Variants in TNR observed in about 807,000 individuals in gnomAD.
The protein encoded by TNR is tenascin R.
A neutral mutation model predicts 150.4 loss-of-function variants in TNR; 45 were observed. The ratio of observed to expected loss-of-function variants is 0.30; its 90% CI spans 0.24 to 0.38. TNR has a LOEUF of 0.38. Among genes scored for constraint, TNR ranks in the 10% least tolerant of loss-of-function variants. The pLI is 1.00. For synonymous variants in TNR, 687 were observed against 678.4 expected, an observed-to-expected ratio of 1.01 and a Z score of -0.20; for missense variants, 1,544 against 1,759.1, an observed-to-expected ratio of 0.88 and a Z score of 2.19.
At chr1:175,573,212 C>T (rs1661957436) in intron 1 of TNR, among the ~76,000 whole-genome samples, 1 of 152,222 alleles carries the variant, frequency 6.6e-6, no homozygotes, top group Admixed American at 6.5e-5. Flanking sequence ...TACTCTCTGA[C>T]TTTGATTAAG....
intron 1 of TNR, among the ~76,000 whole-genome samples, chr1:175,528,688 G>T (rs1490388420): frequency 6.6e-6 from 1 of 152,188 alleles, no homozygotes; most frequent in Admixed American, 6.5e-5. Context: ...AACATGCTTA[G>T]CTGATCTGAT....
In TNR at chr1:175,326,227, TA is replaced by T. The variant is rs565274114; in HGVS notation, c.3794-1709del. On this transcript the variant is annotated intron_variant, in intron 21 of 22. Transcript: ENST00000367674. ...GAGGGATCAGACTGTAATTAAATTA[TA>T]ACAGTTTATAAAACTTTTAGCAGGA... Among the ~76,000 whole-genome samples the T allele has an allele frequency of 2.0e-3, 311 of 152,310 alleles. 1 individual carries two copies. The highest frequency in any genetic ancestry group is 0.01 in the Middle Eastern group (3 of 294).
chr1:175,723,631 G>A (rs1667400854), intron 1 of TNR, among the ~76,000 whole-genome samples: 1 of 152,114 alleles, frequency 6.6e-6, no homozygotes, highest in Non-Finnish European at 1.5e-5. Flanking sequence ...CAACAATTTG[G>A]GAGGCCGAAG....
Position 175,319,019 on chromosome 1 carries a change from C to T in TNR, c.*4338G>A, listed in dbSNP as rs3795401. 64,461 of 151,976 alleles carry T rather than the reference C, an allele frequency of 0.42. 15,393 individuals carry two copies. Among genetic ancestry groups the T allele is most frequent in the East Asian group, 0.66 (3,404 of 5,168 alleles). 9.4% of individuals were successfully genotyped at this position (151,976 alleles called of 1,614,324 possible). ...AGTGGACAGTGAGATGCAAGGAAGG[C>T]GGAAAGTGTCCCCCAACCCCATGCC... On this transcript the variant is annotated 3_prime_UTR_variant, in exon 23 of 23. Transcript: ENST00000367674.
At chr1:175,658,559 T>C (rs1461383743) in intron 1 of TNR, among the ~76,000 whole-genome samples, 1 of 152,192 alleles carries the variant, frequency 6.6e-6, no homozygotes, top group Admixed American at 6.5e-5. Flanking sequence ...AGGTGCTAAG[T>C]AGCTTGCAGA....
intron 1 of TNR, among the ~76,000 whole-genome samples, chr1:175,591,979 T>C (rs1241750437): frequency 6.6e-6 from 1 of 152,222 alleles, no homozygotes; most frequent in Non-Finnish European, 1.5e-5. Flanking sequence ...AAACAGAGAC[T>C]CCTGGTCACC....
intron 8 of TNR, among the ~76,000 whole-genome samples, chr1:175,381,520 G>T (rs1354418186): frequency 6.6e-6 from 1 of 152,272 alleles, no homozygotes; most frequent in Non-Finnish European, 1.5e-5. Flanking sequence ...TGAGAATGAG[G>T]TCTGGAAAGG....
intron 1 of TNR, among the ~76,000 whole-genome samples, chr1:175,627,873 C>CT (rs1445220190): frequency 6.6e-6 from 1 of 152,164 alleles, no homozygotes; most frequent in African/African-American, 2.4e-5. Flanking sequence ...AGACTTTGGC[C>CT]TTTACCATAA....
rs1649829693 is a variant in TNR at position 175,331,078 on chromosome 1, C to CTTCCTTCTTTCTTTCT, written c.3632-844_3632-843insAGAAAGAAAGAAGGAA. On this transcript the variant is annotated intron_variant, in intron 20 of 22. Transcript: ENST00000367674. Reference sequence around the variant, plus strand: ...CTTTCTTTCTTTCTTTCTTTCTTTCCTTCTTTCTTTCTTTCTTTCTTTCTC... The same window carrying CTTCCTTCTTTCTTTCT: ...CTTTCTTTCTTTCTTTCTTTCTTTCCTTCCTTCTTTCTTTCTTTCTTTCTTTCTTTCTTTCTTTCTC... 2.5e-4 allele frequency among the ~76,000 whole-genome samples: 15 copies of CTTCCTTCTTTCTTTCT among 59,948 alleles called. 1 individual carries two copies. Among genetic ancestry groups the CTTCCTTCTTTCTTTCT allele is most frequent in the African/African-American group, 9.5e-4 (15 of 15,866 alleles). 39.3% of individuals were successfully genotyped at this position (59,948 alleles called of 152,430 possible).
intron 1 of TNR, among the ~76,000 whole-genome samples, chr1:175,685,254 GAA>G (rs1666154635): frequency 6.6e-6 from 1 of 152,074 alleles, no homozygotes; most frequent in African/African-American, 2.4e-5. Flanking sequence ...AGTACTCAAG[GAA>G]AAGACTTGAA....
chr1:175,742,990 A>ACG (rs1235442771), intron 1 of TNR, among the ~76,000 whole-genome samples: 1 of 151,810 alleles, frequency 6.6e-6, no homozygotes, highest in African/African-American at 2.4e-5. Context: ...ACACACACAC[A>ACG]CACACCCGCA....
chr1:175,528,992 G>T (rs1571565368), intron 1 of TNR, among the ~76,000 whole-genome samples: 1 of 152,210 alleles, frequency 6.6e-6, no homozygotes, highest in Admixed American at 6.5e-5. Context: ...AATTCTCCCA[G>T]ATTAGAACAA....
In TNR at chr1:175,317,061, T is replaced by C. The variant is rs1404664941; in HGVS notation, c.*6296A>G. On this transcript the variant is annotated 3_prime_UTR_variant, in exon 23 of 23. Coordinates refer to ENST00000367674, the MANE Select transcript of TNR (RefSeq NM_003285.3). ...TTTAGTAGCTGTGTGACTTTGAGCATGTTACTTAACCTTCCTGGCCCTCCC... is the reference window on the plus strand; with the variant it reads ...TTTAGTAGCTGTGTGACTTTGAGCACGTTACTTAACCTTCCTGGCCCTCCC... 2 of 152,256 alleles carry C rather than the reference T, an allele frequency of 1.3e-5. No individual in the cohort carries two copies. Among genetic ancestry groups the C allele is most frequent in the South Asian group, 2.1e-4 (1 of 4,834 alleles). The allele number at this position is 152,256 out of a possible 1,614,324, so 9.4% of individuals were successfully genotyped here. A position where few individuals can be genotyped will look rare whatever the true frequency, so the allele number is the denominator to read the frequency against.
At chr1:175,447,562 A>G (rs547053217) in intron 2 of TNR, among the ~76,000 whole-genome samples, 1 of 152,288 alleles carries the variant, frequency 6.6e-6, no homozygotes, top group African/African-American at 2.4e-5. Context: ...CAGCAAATTG[A>G]AAAGTCTTGG....
At chr1:175,524,313 T>C (rs1659767200) in intron 2 of TNR, among the ~76,000 whole-genome samples, 1 of 152,072 alleles carries the variant, frequency 6.6e-6, no homozygotes, top group Non-Finnish European at 1.5e-5. Flanking sequence ...CTGCTTTCCA[T>C]AGGATTCAGG....
At chr1:175,424,195 A>G (rs1004847710) in intron 2 of TNR, among the ~76,000 whole-genome samples, 4 of 152,200 alleles carry the variant, frequency 2.6e-5, no homozygotes, top group African/African-American at 9.6e-5. Context: ...TGGTCTTGCT[A>G]TCTCCGGGGA....
At chr1:175,372,017 T>C (rs1383287676) in intron 9 of TNR, among the ~76,000 whole-genome samples, 4 of 151,770 alleles carry the variant, frequency 2.6e-5, no homozygotes. Flanking sequence ...GGATCCCTCA[T>C]GAATGGCTTG....
chr1:175,730,947 G>A (rs911628299), intron 1 of TNR, among the ~76,000 whole-genome samples: 2 of 152,308 alleles, frequency 1.3e-5, no homozygotes, highest in Non-Finnish European at 1.5e-5. Flanking sequence ...AGGTTCCCAA[G>A]ATGTCTGTCC....
At chr1:175,444,809 C>T (rs966812136) in intron 2 of TNR, among the ~76,000 whole-genome samples, 9 of 151,998 alleles carry the variant, frequency 5.9e-5, no homozygotes, top group Non-Finnish European at 8.8e-5. Context: ...ATGTTTCATC[C>T]GGGACCTGAA....
Sources: gnomAD v4.1 joint callset for allele counts (sites outside exome capture counted in the v4.1 genomes callset) on GRCh38, gnomAD v4.1.1 for gene constraint, MANE v1.5 for transcripts, NCBI Gene and HGNC (gene_info 2026-07-23, HGNC 2026-07-21) for gene names.